Variants in CREBBP observed in about 807,000 individuals in gnomAD.
CREBBP encodes the protein CREB-binding protein.
Under a neutral mutation model 265.0 loss-of-function variants are expected in CREBBP, and 19 were observed. That is an observed-to-expected ratio of 0.07 (90% confidence interval 0.05 to 0.11). The LOEUF (loss-of-function observed/expected upper bound fraction) is 0.11. Ranked by LOEUF, CREBBP falls within the 10% of genes least tolerant of loss-of-function variation. The pLI is 1.00. For missense variants in CREBBP, 2,525 were observed against 3,219.0 expected (o/e 0.78, Z 5.22); for synonymous variants, 1,457 against 1,223.7 (o/e 1.19, Z -3.98).
Position 3,852,196 on chromosome 16 carries a change from G to A in CREBBP, c.86-1187C>T, listed in dbSNP as rs1237361700. ...TTTTTTTTTTTTGAGACAGAGTCTCGCTCTGCGGCCCAGGCTGGATGGAGT... is the reference window on the plus strand; with the variant it reads ...TTTTTTTTTTTTGAGACAGAGTCTCACTCTGCGGCCCAGGCTGGATGGAGT... On this transcript the variant is annotated intron_variant, in intron 1 of 30. Transcript: ENST00000262367. 7.0e-5 allele frequency among the ~76,000 whole-genome samples: 7 copies of A among 99,656 alleles called. No homozygotes were observed. The Admixed American group carries it at 1.0e-3, about 14-fold the overall frequency. 65.4% of individuals were successfully genotyped at this position (99,656 alleles called of 152,430 possible).
At chr16:3,848,339 T>C (rs1254814207) in intron 2 of CREBBP, among the ~76,000 whole-genome samples, 1 of 152,154 alleles carries the variant, frequency 6.6e-6, no homozygotes, top group African/African-American at 2.4e-5. Context: ...GCTCTTGAAG[T>C]GCAGTCCAGG....
intron 8 of CREBBP, among the ~76,000 whole-genome samples, chr16:3,780,448 C>T (rs1289939678): frequency 6.6e-6 from 1 of 152,108 alleles, no homozygotes; most frequent in Non-Finnish European, 1.5e-5. Flanking sequence ...CACATTAAGG[C>T]CGGGCTGCAC....
At chr16:3,857,755 G>A (rs909820768) in intron 1 of CREBBP, among the ~76,000 whole-genome samples, 4 of 152,174 alleles carry the variant, frequency 2.6e-5, no homozygotes, top group Non-Finnish European at 5.9e-5. Context: ...ATCAAATAGC[G>A]AACACTGCCT....
intron 11 of CREBBP, among the ~76,000 whole-genome samples, chr16:3,776,175 C>T (rs553207552): frequency 6.6e-6 from 1 of 152,264 alleles, no homozygotes; most frequent in South Asian, 2.1e-4. Flanking sequence ...GCTTCGGCCT[C>T]CCAAAGTGCT....
chr16:3,805,498 A>G (rs2053810809), intron 3 of CREBBP, among the ~76,000 whole-genome samples: 1 of 152,262 alleles, frequency 6.6e-6, no homozygotes, highest in African/African-American at 2.4e-5. Context: ...TAGGGAACAC[A>G]GGCATTTGTG....
At chr16:3,826,508 G>A (rs1009608776) in intron 2 of CREBBP, among the ~76,000 whole-genome samples, 2 of 152,054 alleles carry the variant, frequency 1.3e-5, no homozygotes, top group Non-Finnish European at 2.9e-5. Flanking sequence ...AACCATAGTG[G>A]TAAAGTCACC....
chr16:3,793,469 C>G lies in CREBBP; in HGVS notation c.1133G>C (p.Arg378Pro). The G allele has an allele frequency of 6.2e-7, 1 of 1,614,096 alleles. No homozygotes were observed. The highest frequency in any genetic ancestry group is 8.5e-7 in the Non-Finnish European group (1 of 1,180,010). The part of the protein sequence containing the change: ...QRREQANGEV[R>P]ACSLPHCRTM... Reference sequence around the variant, plus strand: ...TCGACAATGCGGGAGCGAGCAGGCCCGAACCTCTCCGTTTGCTTGCTCTCG... The same window carrying G: ...TCGACAATGCGGGAGCGAGCAGGCCGGAACCTCTCCGTTTGCTTGCTCTCG... The change falls in exon 4 of 31, where the codon CGG (arginine) becomes CCG (proline). Residue 378 changes from arginine to proline, a missense_variant. Transcript: ENST00000262367.
At chr16:3,873,038 CCCTTT>C (rs1188660985) in intron 1 of CREBBP, among the ~76,000 whole-genome samples, 2 of 152,210 alleles carry the variant, frequency 1.3e-5, no homozygotes, top group African/African-American at 4.8e-5. Context: ...CATTTCTGTA[CCCTTT>C]CCTTAAGTTT....
intron 2 of CREBBP, among the ~76,000 whole-genome samples, chr16:3,836,007 T>C (rs1489166080): frequency 2.0e-5 from 3 of 152,156 alleles, no homozygotes; most frequent in African/African-American, 7.2e-5. Context: ...AACTAGTTCA[T>C]GCCAACAACG....
intron 5 of CREBBP, among the ~76,000 whole-genome samples, chr16:3,789,528 A>G (rs2053459598): frequency 6.6e-6 from 1 of 152,170 alleles, no homozygotes; most frequent in Non-Finnish European, 1.5e-5. Context: ...CGTTATTTTT[A>G]ACATATATAT....
At chr16:3,829,473 G>A (rs1567344714) in intron 2 of CREBBP, among the ~76,000 whole-genome samples, 1 of 152,166 alleles carries the variant, frequency 6.6e-6, no homozygotes, top group Non-Finnish European at 1.5e-5. Flanking sequence ...TAAGTGTGCA[G>A]GACTACGAAG....
In CREBBP at chr16:3,793,646, T is replaced by A. The variant is rs758100923; in HGVS notation, c.976-20A>T. On this transcript the variant is annotated intron_variant, in intron 3 of 30. Coordinates refer to ENST00000262367, the MANE Select transcript of CREBBP (RefSeq NM_004380.3). ...CTGAGACTAAAATAAAGCAAAATAA[T>A]AAAAATACTTTAACCTCTCAGAGTT... The A allele has an allele frequency of 5.0e-6, 8 of 1,610,958 alleles. No individual in the cohort carries two copies. The highest frequency in any genetic ancestry group is 2.2e-5 in the South Asian group (2 of 90,802).
chr16:3,823,494 G>A (rs879236207), intron 2 of CREBBP, among the ~76,000 whole-genome samples: 9 of 152,122 alleles, frequency 5.9e-5, no homozygotes, highest in African/African-American at 2.2e-4. Flanking sequence ...CTCAGCACAG[G>A]CCCACCACTC....
chr16:3,792,198 G>T, intron 4 of CREBBP, 104 bp from the exon 5 acceptor site: 5 of 999,974 alleles, frequency 5.0e-6, no homozygotes, highest in Non-Finnish European at 7.9e-6. Flanking sequence ...ATGGTAACAA[G>T]TGTAACCATA....
chr16:3,796,092 C>T (rs1279743275), intron 3 of CREBBP, among the ~76,000 whole-genome samples: 7 of 152,124 alleles, frequency 4.6e-5, no homozygotes, highest in Non-Finnish European at 8.8e-5. Flanking sequence ...AGAGACCACA[C>T]AGTTGTCCTC....
At chr16:3,788,513 A>G (rs1318699830) in intron 5 of CREBBP, among the ~76,000 whole-genome samples, 1 of 152,218 alleles carries the variant, frequency 6.6e-6, no homozygotes, top group African/African-American at 2.4e-5. Flanking sequence ...CTGTGCACTG[A>G]ATTTACTGGA....
At chr16:3,828,480 A>G (rs1243424708) in intron 2 of CREBBP, among the ~76,000 whole-genome samples, 1 of 152,268 alleles carries the variant, frequency 6.6e-6, no homozygotes, top group Non-Finnish European at 1.5e-5. Context: ...GACCACAGGC[A>G]AAGCTTACAG....
At chr16:3,861,478 AC>A (rs2055071756) in intron 1 of CREBBP, among the ~76,000 whole-genome samples, 1 of 152,044 alleles carries the variant, frequency 6.6e-6, no homozygotes, top group Non-Finnish European at 1.5e-5. Flanking sequence ...AGAACCTGGC[AC>A]TCCAGGGTTG....
intron 3 of CREBBP, among the ~76,000 whole-genome samples, chr16:3,802,738 G>A (rs2053743002): frequency 1.3e-5 from 2 of 150,586 alleles, no homozygotes; most frequent in African/African-American, 4.9e-5. Flanking sequence ...ACCCCTCTGT[G>A]CAGCCAATGC....
Sources: gnomAD v4.1 joint callset for allele counts (sites outside exome capture counted in the v4.1 genomes callset) on GRCh38, gnomAD v4.1.1 for gene constraint, MANE v1.5 for transcripts, NCBI Gene and HGNC (gene_info 2026-07-23, HGNC 2026-07-21) for gene names.